The following ZNF654 variants were observed in gnomAD, a reference collection of about 807,000 sequenced individuals.
The protein encoded by ZNF654 is melanoma-associated antigen.
In ZNF654, 19 loss-of-function variants were observed where a neutral mutation model predicts 95.3. The observed-to-expected ratio is 0.20, with a 90% CI of 0.14 to 0.29. ZNF654 has a LOEUF of 0.29. Among genes scored for constraint, ZNF654 ranks in the 10% least tolerant of loss-of-function variants. The pLI, the probability that ZNF654 is intolerant of heterozygous loss-of-function variation, is 1.00. For synonymous variants in ZNF654, 413 were observed against 457.9 expected (o/e 0.90, Z 1.25); for missense variants, 1,046 against 1,341.0 (o/e 0.78, Z 3.44).
At chr3:88,078,885 G>A (rs1576220712) in intron 1 of ZNF654, among the ~76,000 whole-genome samples, 1 of 151,974 alleles carries the variant, frequency 6.6e-6, no homozygotes, top group South Asian at 2.1e-4. Flanking sequence ...ACTGAACTTG[G>A]TTCTATTATA....
chr3:88,078,034 A>T (rs1707904933), intron 1 of ZNF654, among the ~76,000 whole-genome samples: 1 of 152,202 alleles, frequency 6.6e-6, no homozygotes, highest in East Asian at 1.9e-4. Context: ...TTAATATAAA[A>T]CATGCTTAAT....
chr3:88,073,990 G>A (rs1189649042), intron 1 of ZNF654, among the ~76,000 whole-genome samples: 1 of 152,156 alleles, frequency 6.6e-6, no homozygotes. Flanking sequence ...CTGTGATAGT[G>A]TTTTAGTTTA....
In ZNF654 at chr3:88,076,657, AT is replaced by A. The variant is rs75545362; in HGVS notation, c.187-9596del. On this transcript the variant is annotated intron_variant, in intron 1 of 8. Transcript: ENST00000636215. ...TAGAGTTGGTGTTTGTTCATCTGTT[AT>A]TTTAATTTGATCTTCATGTACTTCT... Among the ~76,000 whole-genome samples, 436 of 152,256 alleles carry A rather than the reference AT, an allele frequency of 2.9e-3. 11 individuals carry two copies. The East Asian group carries it at 0.039, about 14-fold the overall frequency.
rs1249967062 is a variant in ZNF654 at position 88,143,795 on chromosome 3, A to G, written c.*2143A>G. The G allele has an allele frequency of 6.6e-6, 1 of 151,992 alleles. No homozygotes were observed. Among genetic ancestry groups the G allele is most frequent in the Non-Finnish European group, 1.5e-5 (1 of 67,804 alleles). 9.4% of individuals were successfully genotyped at this position (151,992 alleles called of 1,614,324 possible). Reference sequence around the variant, plus strand: ...ATATAACTAAATCAAGGAATGTTTTATAAAATTCTATTTGACCACACTGTC... The same window carrying G: ...ATATAACTAAATCAAGGAATGTTTTGTAAAATTCTATTTGACCACACTGTC... On this transcript the variant is annotated 3_prime_UTR_variant, in exon 9 of 9. Transcript: ENST00000636215.
At position 88,086,381 on chromosome 3, in the gene ZNF654, A is replaced by G. The variant is rs1708335994; in HGVS notation, c.311A>G (p.Tyr104Cys). ...CCAGATGAATGTGAGCATGTACAAT[A>G]TGTTTTGAGTAGCCTTGCTGTGTAA... The part of the protein sequence containing the change: ...SFPDECEHVQ[Y>C]VLSSLAVSFF... Residue 104 changes from tyrosine to cysteine, a missense_variant, in exon 2 of 9, where the codon TAT becomes TGT. Tyr to Cys is a radical substitution (Grantham distance 194). This residue lies in a region of ZNF654 where 91 missense variants were observed against 190.5 expected (regional missense o/e 0.48). Coordinates refer to ENST00000636215, the MANE Select transcript of ZNF654 (RefSeq NM_001350134.2). The G allele has an allele frequency of 2.6e-6, 4 of 1,534,066 alleles. No homozygotes were observed. In the Middle Eastern group the frequency reaches 5.1e-4, roughly 194 times the overall value.
chr3:88,083,056 T>C (rs959211283), intron 1 of ZNF654, among the ~76,000 whole-genome samples: 3 of 150,590 alleles, frequency 2.0e-5, no homozygotes, highest in African/African-American at 7.3e-5. Context: ...CTCCTCCCTC[T>C]TCCTCCCTCT....
At chr3:88,096,865 T>C (rs1177311947) in intron 2 of ZNF654, among the ~76,000 whole-genome samples, 6 of 152,156 alleles carry the variant, frequency 3.9e-5, no homozygotes, top group Non-Finnish European at 8.8e-5. Flanking sequence ...TCATGAGTTT[T>C]CCTTTCAGAT....
intron 6 of ZNF654, among the ~76,000 whole-genome samples, chr3:88,132,551 A>G (rs1706529149): frequency 1.3e-5 from 2 of 152,184 alleles, no homozygotes; most frequent in Admixed American, 6.5e-5. Context: ...CTCAGATCCC[A>G]TGTTTTAAAT....
chr3:88,129,308 A>G (rs972791288), intron 5 of ZNF654, among the ~76,000 whole-genome samples: 1 of 138,434 alleles, frequency 7.2e-6, no homozygotes, highest in Non-Finnish European at 1.6e-5. Context: ...ACAAGCTCAC[A>G]GCTTGCCAGG....
chr3:88,094,564 A>G (rs1703943743), intron 2 of ZNF654, among the ~76,000 whole-genome samples: 1 of 152,152 alleles, frequency 6.6e-6, no homozygotes, highest in Non-Finnish European at 1.5e-5. Context: ...TTCTAAAGGA[A>G]GGAAAGCTTG....
intron 7 of ZNF654, among the ~76,000 whole-genome samples, chr3:88,137,579 T>G (rs776421665): frequency 6.6e-6 from 1 of 152,006 alleles, no homozygotes; most frequent in African/African-American, 2.4e-5. Flanking sequence ...AAAACAAAAT[T>G]GAAATGTTTT....
At chr3:88,118,633 A>T (rs1414795649) in intron 3 of ZNF654, among the ~76,000 whole-genome samples, 1 of 152,196 alleles carries the variant, frequency 6.6e-6, no homozygotes, top group African/African-American at 2.4e-5. Flanking sequence ...TAATTTGGGA[A>T]GGTCCTAATC....
rs1704671683 is a variant in ZNF654 at position 88,105,317 on chromosome 3, T to TCATTCCA, written c.333-7795_333-7789dup. ...TTTACTTAGTATTATATCTTGGAGA[T>TCATTCCA]CATTCCACAGTGATACAGACTATTC... On this transcript the variant is annotated intron_variant, in intron 2 of 8. Transcript: ENST00000636215. Among the ~76,000 whole-genome samples, 4 of 152,176 alleles carry TCATTCCA rather than the reference T, an allele frequency of 2.6e-5. No individual in the cohort carries two copies. The South Asian group carries it at 8.3e-4, about 32-fold the overall frequency.
At chr3:88,060,889 A>C (rs1706840921) in intron 1 of ZNF654, among the ~76,000 whole-genome samples, 1 of 152,100 alleles carries the variant, frequency 6.6e-6, no homozygotes, top group South Asian at 2.1e-4. Context: ...GTAAGTTTTT[A>C]ATGCTTTAAT....
At chr3:88,076,295 A>G (rs571705176) in intron 1 of ZNF654, among the ~76,000 whole-genome samples, 15 of 152,274 alleles carry the variant, frequency 9.9e-5, no homozygotes, top group African/African-American at 2.6e-4. Context: ...TTTCCATCCC[A>G]TAGTTACCTT....
intron 3 of ZNF654, among the ~76,000 whole-genome samples, chr3:88,123,397 A>G (rs1705898692): frequency 6.6e-6 from 1 of 152,184 alleles, no homozygotes; most frequent in African/African-American, 2.4e-5. Flanking sequence ...TAGTTTACTA[A>G]TTTTTAACAA....
rs1243728283 is a variant in ZNF654 at position 88,059,285 on chromosome 3, G to T, written c.-35G>T. 11 of 1,532,136 alleles carry T rather than the reference G, an allele frequency of 7.2e-6. No individual in the cohort carries two copies. Among genetic ancestry groups the T allele is most frequent in the Non-Finnish European group, 9.6e-6 (11 of 1,146,118 alleles). The allele number at this position is 1,532,136 out of a possible 1,614,324, so 94.9% of individuals were successfully genotyped here. The stretch of plus-strand genomic sequence containing the variant: ...AGGCATCTACGGCGGCGGCGGCGGC[G>T]CAGGGGCTGGTACGCGCTGGGCGGC... On this transcript the variant is annotated 5_prime_UTR_variant, in exon 1 of 9. Coordinates refer to ENST00000636215, the MANE Select transcript of ZNF654 (RefSeq NM_001350134.2).
At chr3:88,100,462 C>G (rs1018623130) in intron 2 of ZNF654, among the ~76,000 whole-genome samples, 2 of 152,184 alleles carry the variant, frequency 1.3e-5, no homozygotes, top group African/African-American at 4.8e-5. Context: ...ACCCAGCCAT[C>G]CCATTACTGG....
At chr3:88,119,076 A>G (rs1229972451) in intron 3 of ZNF654, among the ~76,000 whole-genome samples, 4 of 149,996 alleles carry the variant, frequency 2.7e-5, no homozygotes, top group African/African-American at 9.9e-5. Flanking sequence ...CTATAAAGAC[A>G]CATGCACACG....
Sources: allele counts gnomAD v4.1 joint callset (sites outside exome capture counted in the v4.1 genomes callset), GRCh38; gene constraint gnomAD v4.1.1; regional missense constraint gnomAD v4.1.1; transcripts MANE v1.5; gene names NCBI Gene and HGNC (gene_info 2026-07-23, HGNC 2026-07-21).